The following NTN1 variants were observed in gnomAD, a reference collection of about 807,000 sequenced individuals.
NTN1 encodes netrin 1.
In NTN1, 11 loss-of-function variants were observed where a neutral mutation model predicts 54.2. The observed-to-expected ratio is 0.20, with a 90% CI of 0.13 to 0.34. The LOEUF is 0.34. Among genes scored for constraint, NTN1 ranks in the 10% least tolerant of loss-of-function variants. The pLI is 1.00. For missense variants in NTN1, 740 were observed against 893.1 expected (o/e 0.83, Z 2.18); for synonymous variants, 371 against 382.0 (o/e 0.97, Z 0.33).
chr17:9,014,860 A>G, the NTN1 span, among the ~76,000 whole-genome samples: 1 of 152,212 alleles, frequency 6.6e-6, no homozygotes, highest in Non-Finnish European at 1.5e-5. Context: ...AGTCAAGCCC[A>G]TCTTACCCAC....
chr17:9,194,943 C>G (rs866611623), intron 5 of NTN1, among the ~76,000 whole-genome samples: 1 of 152,120 alleles, frequency 6.6e-6, no homozygotes, highest in African/African-American at 2.4e-5. Flanking sequence ...ACATTTACTT[C>G]CCCTTGGCCA....
intron 2 of NTN1, among the ~76,000 whole-genome samples, chr17:9,117,774 A>C (rs1361749737): frequency 3.3e-5 from 5 of 149,862 alleles, no homozygotes; most frequent in African/African-American, 1.2e-4. Context: ...AAAAAACCAA[A>C]AAAAAAAAAA....
intron 2 of NTN1, among the ~76,000 whole-genome samples, chr17:9,104,025 G>A (rs1170154019): frequency 1.4e-5 from 2 of 139,444 alleles, no homozygotes; most frequent in Admixed American, 1.5e-4. Flanking sequence ...GGAGTCAGAG[G>A]TTGCAGTGAG....
intron 2 of NTN1, among the ~76,000 whole-genome samples, chr17:9,056,132 C>T (rs776172068): frequency 2.6e-5 from 4 of 152,172 alleles, no homozygotes; most frequent in Admixed American, 6.5e-5. Context: ...CCTCTGCTCA[C>T]TGCAACCTCC....
intron 2 of NTN1, among the ~76,000 whole-genome samples, chr17:9,074,934 AAC>A: frequency 6.6e-6 from 1 of 152,200 alleles, no homozygotes; most frequent in East Asian, 1.9e-4. Flanking sequence ...TGCGTTTCCC[AAC>A]ACACACGGGT....
intron 2 of NTN1, among the ~76,000 whole-genome samples, chr17:9,027,677 A>G (rs1393249972): frequency 6.6e-6 from 1 of 152,156 alleles, no homozygotes; most frequent in African/African-American, 2.4e-5. Context: ...TTATTATATT[A>G]TATTCATACA....
At chr17:9,040,788 T>C (rs1383436845) in intron 2 of NTN1, among the ~76,000 whole-genome samples, 1 of 151,122 alleles carries the variant, frequency 6.6e-6, no homozygotes, top group Non-Finnish European at 1.5e-5. Context: ...GGAGGGTTGC[T>C]CTTTCTTACT....
intron 6 of NTN1, among the ~76,000 whole-genome samples, chr17:9,222,475 G>A (rs543971847): frequency 2.4e-4 from 37 of 152,328 alleles, no homozygotes; most frequent in Admixed American, 1.8e-3. Context: ...TTCCTTATAT[G>A]TAAGATGGAG....
intron 3 of NTN1, among the ~76,000 whole-genome samples, chr17:9,169,126 C>CAA (rs140895271): frequency 0.042 from 6,353 of 152,286 alleles, 527 homozygotes; most frequent in East Asian, 0.36. Flanking sequence ...GCTCCATGTT[C>CAA]AGTCTACAGG....
chr17:9,208,840 G>A (rs1349215875), intron 5 of NTN1, among the ~76,000 whole-genome samples: 4 of 152,184 alleles, frequency 2.6e-5, no homozygotes, highest in Non-Finnish European at 4.4e-5. Flanking sequence ...GCTCCTGTCC[G>A]GAGACAGGGC....
At chr17:9,228,326 G>A (rs1355855743) in intron 6 of NTN1, among the ~76,000 whole-genome samples, 3 of 152,226 alleles carry the variant, frequency 2.0e-5, no homozygotes, top group Admixed American at 2.0e-4. Context: ...CATAGCACGA[G>A]GAAACGGGAG....
intron 2 of NTN1, among the ~76,000 whole-genome samples, chr17:9,107,447 A>G (rs2092171281): frequency 6.6e-6 from 1 of 152,206 alleles, no homozygotes; most frequent in Admixed American, 6.5e-5. Flanking sequence ...GACTGTTTCC[A>G]GATTATACAT....
intron 5 of NTN1, among the ~76,000 whole-genome samples, chr17:9,191,780 C>T (rs1157897516): frequency 6.7e-6 from 1 of 149,906 alleles, no homozygotes; most frequent in African/African-American, 2.5e-5. Flanking sequence ...GTGATCCCAG[C>T]ACTTTGGGAG....
rs186238970 is a variant in NTN1, at chr17:9,064,315, C to T, written c.1018+40924C>T. On this transcript the variant is annotated intron_variant, in intron 2 of 6. Coordinates refer to ENST00000173229, the MANE Select transcript of NTN1 (RefSeq NM_004822.3). ...CCCAGGGTTCTCCCTTCCCTGTACA[C>T]ATTCTCTCTGTAAATGACCGCTGCC... Among the ~76,000 whole-genome samples, 97 of 152,328 alleles carry T rather than the reference C, an allele frequency of 6.4e-4. 1 individual carries two copies. Among genetic ancestry groups the T allele is most frequent in the African/African-American group, 2.3e-3 (95 of 41,566 alleles).
intron 5 of NTN1, among the ~76,000 whole-genome samples, chr17:9,210,811 C>T (rs903685120): frequency 5.9e-5 from 8 of 136,274 alleles, no homozygotes; most frequent in East Asian, 2.4e-4. Context: ...GAGGTTGAGG[C>T]GGGAGAATCG....
chr17:9,023,050 G>A lies in NTN1; in HGVS notation c.677G>A (p.Arg226Gln). The change falls in exon 2 of 7, where the codon CGG (arginine) becomes CAG (glutamine). Residue 226 changes from arginine (R) to glutamine (Q), a missense_variant. Arg to Gln is a conservative substitution (Grantham distance 43, BLOSUM62 1). Coordinates refer to ENST00000173229, the MANE Select transcript of NTN1 (RefSeq NM_004822.3). Reference protein sequence around the residue: ...GLIAFSTLDGRPSAHDFDNSP... With the variant: ...GLIAFSTLDGQPSAHDFDNSP... ...ATCGCCTTCAGCACGCTGGACGGGC[G>A]GCCCTCGGCGCACGACTTCGACAAC... 6.3e-7 allele frequency: 1 copy of A among 1,585,698 alleles called. No homozygotes were observed. The highest frequency in any genetic ancestry group is 8.6e-7 in the Non-Finnish European group (1 of 1,167,656).
chr17:9,029,119 A>G (rs2091881107), intron 2 of NTN1, among the ~76,000 whole-genome samples: 1 of 152,116 alleles, frequency 6.6e-6, no homozygotes, highest in African/African-American at 2.4e-5. Context: ...CTGCAGGCTC[A>G]GAAGGCATGG....
At chr17:9,142,766 T>C (rs1412727381) in intron 2 of NTN1, among the ~76,000 whole-genome samples, 1 of 152,142 alleles carries the variant, frequency 6.6e-6, no homozygotes, top group Non-Finnish European at 1.5e-5. Flanking sequence ...GCTTACATTC[T>C]AGATGAGAGA....
intron 2 of NTN1, among the ~76,000 whole-genome samples, chr17:9,041,191 A>G (rs1485020206): frequency 6.6e-6 from 1 of 152,142 alleles, no homozygotes; most frequent in Non-Finnish European, 1.5e-5. Context: ...GCATTTCTTT[A>G]ATTGATTTCT....
Sources: gnomAD v4.1 joint callset for allele counts (sites outside exome capture counted in the v4.1 genomes callset) on GRCh38, gnomAD v4.1.1 for gene constraint, MANE v1.5 for transcripts, NCBI Gene and HGNC (gene_info 2026-07-23, HGNC 2026-07-21) for gene names.